DCLK2: variants seen among roughly 807,000 people sequenced by gnomAD.
The protein encoded by DCLK2 is doublecortin like kinase 2.
A neutral mutation model predicts 78.4 loss-of-function variants in DCLK2; 31 were observed. That is an observed-to-expected ratio of 0.40 (90% confidence interval 0.30 to 0.53). The LOEUF (loss-of-function observed/expected upper bound fraction) is 0.53. Ranked by LOEUF, DCLK2 falls within the 20% of genes least tolerant of loss-of-function variation. The pLI is 0.61. For synonymous variants in DCLK2, 407 were observed against 374.9 expected (o/e 1.09, Z -0.99); for missense variants, 872 against 973.7 (o/e 0.90, Z 1.39).
intron 2 of DCLK2, among the ~76,000 whole-genome samples, chr4:150,127,821 T>G (rs538648432): frequency 2.1e-4 from 32 of 152,256 alleles, no homozygotes; most frequent in South Asian, 4.1e-4. Context: ...TCTGGTGGAG[T>G]TGGTTGGTTA....
In DCLK2 at chr4:150,257,117, C is replaced by G. The variant is rs1273129436; in HGVS notation, c.*870C>G. On this transcript the variant is annotated 3_prime_UTR_variant, in exon 16 of 16. Transcript: ENST00000296550. ...GACTTGCCGAGCAGAATGAGCTCTG[C>G]TCCTGAGCCCCGGTAGCTGCTTCCT... The G allele has an allele frequency of 1.3e-5, 2 of 152,458 alleles. No individual in the cohort carries two copies. Among genetic ancestry groups the G allele is most frequent in the East Asian group, 3.9e-4 (2 of 5,182 alleles). 9.4% of individuals were successfully genotyped at this position (152,458 alleles called of 1,614,324 possible).
At position 150,254,462 on chromosome 4, in the gene DCLK2, C is replaced by T. The variant is rs912469160; in HGVS notation, c.2074-1558C>T. 3 of 398,678 alleles carry T rather than the reference C, an allele frequency of 7.5e-6. No individual in the cohort carries two copies. The East Asian group carries it at 1.1e-4, about 14-fold the overall frequency. 24.7% of individuals were successfully genotyped at this position (398,678 alleles called of 1,614,324 possible). ...TGGTATGTACTAACCGCACTGCCAG[C>T]CTGCCTTCTGCCACACACGCCCCTG... On this transcript the variant is annotated intron_variant, in intron 15 of 15. Coordinates refer to ENST00000296550, the MANE Select transcript of DCLK2 (RefSeq NM_001040260.4).
Position 150,200,026 on chromosome 4 carries a change from A to G in DCLK2, c.961+1923A>G, listed in dbSNP as rs144227394. ...TAGCAAGGCCCTGTCTCTTTTAAAA[A>G]AATTTTAATAAAAGGGAGAGTGGTT... On this transcript the variant is annotated intron_variant, in intron 4 of 15. Transcript: ENST00000296550. Among the ~76,000 whole-genome samples, 510 of 152,304 alleles carry G rather than the reference A, an allele frequency of 3.3e-3. 1 individual carries two copies. The highest frequency in any genetic ancestry group is 0.012 in the African/African-American group (480 of 41,562).
intron 5 of DCLK2, among the ~76,000 whole-genome samples, chr4:150,214,752 A>C (rs893124265): frequency 1.3e-5 from 2 of 152,054 alleles, no homozygotes; most frequent in Non-Finnish European, 1.5e-5. Flanking sequence ...ACTTGGGGTC[A>C]AGAGTTCAAG....
intron 2 of DCLK2, among the ~76,000 whole-genome samples, chr4:150,124,451 A>G (rs1419955508): frequency 6.6e-6 from 1 of 152,218 alleles, no homozygotes; most frequent in East Asian, 1.9e-4. Flanking sequence ...AGTCATTAAA[A>G]TGCCATTTTA....
At chr4:150,089,500 TTC>T (rs1488879056) in intron 1 of DCLK2, among the ~76,000 whole-genome samples, 8 of 152,354 alleles carry the variant, frequency 5.3e-5, no homozygotes, top group African/African-American at 1.7e-4. Context: ...ATGTGAAGGT[TTC>T]TCTGTCTCAG....
At chr4:150,153,499 A>T (rs977939723) in intron 2 of DCLK2, among the ~76,000 whole-genome samples, 2 of 151,490 alleles carry the variant, frequency 1.3e-5, no homozygotes, top group Non-Finnish European at 2.9e-5. Flanking sequence ...TGCAACCTTG[A>T]CCTCCTGGGC....
intron 1 of DCLK2, among the ~76,000 whole-genome samples, chr4:150,098,060 A>G (rs1730591245): frequency 6.6e-6 from 1 of 152,176 alleles, no homozygotes; most frequent in African/African-American, 2.4e-5. Context: ...GTTAGAACCT[A>G]TCATAGCATT....
At chr4:150,246,269 A>C (rs567345892) in intron 12 of DCLK2, among the ~76,000 whole-genome samples, 2 of 151,508 alleles carry the variant, frequency 1.3e-5, no homozygotes, top group African/African-American at 2.4e-5. Flanking sequence ...CTGGTCTTGA[A>C]CTCCTGACCT....
intron 4 of DCLK2, among the ~76,000 whole-genome samples, chr4:150,201,949 A>C (rs1739484928): frequency 6.6e-6 from 1 of 152,222 alleles, no homozygotes; most frequent in Non-Finnish European, 1.5e-5. Context: ...TTTTAGGTTC[A>C]CAGCCAAAGG....
At chr4:150,125,488 C>T (rs1732856925) in intron 2 of DCLK2, among the ~76,000 whole-genome samples, 1 of 152,100 alleles carries the variant, frequency 6.6e-6, no homozygotes, top group African/African-American at 2.4e-5. Context: ...AAAACATTTC[C>T]AAAGTTTTAT....
At chr4:150,184,181 C>T (rs1427142140) in intron 2 of DCLK2, among the ~76,000 whole-genome samples, 13 of 152,176 alleles carry the variant, frequency 8.5e-5, no homozygotes, top group Non-Finnish European at 5.9e-5. Flanking sequence ...CAAAACCAGG[C>T]AGTTAACCTC....
intron 2 of DCLK2, among the ~76,000 whole-genome samples, chr4:150,184,637 T>C (rs1172998156): frequency 6.7e-6 from 1 of 148,526 alleles, no homozygotes; most frequent in Non-Finnish European, 1.5e-5. Context: ...AGTCTCACTC[T>C]GTCGCCCAGG....
intron 1 of DCLK2, among the ~76,000 whole-genome samples, chr4:150,100,780 A>G (rs1730831598): frequency 6.6e-6 from 1 of 152,224 alleles, no homozygotes. Context: ...AGATGATCAT[A>G]CTGTGAAAAA....
intron 15 of DCLK2, among the ~76,000 whole-genome samples, chr4:150,254,937 G>A (rs1011994187): frequency 2.6e-5 from 4 of 152,054 alleles, no homozygotes; most frequent in African/African-American, 7.2e-5. Context: ...CTTGGCCTCC[G>A]GAAGTGCTGG....
At chr4:150,187,600 A>C (rs896747731) in intron 2 of DCLK2, among the ~76,000 whole-genome samples, 4 of 152,106 alleles carry the variant, frequency 2.6e-5, no homozygotes, top group African/African-American at 7.2e-5. Context: ...ACCTGTGCAC[A>C]CACTTCCTTA....
At chr4:150,085,402 G>A (rs1430000578) in intron 1 of DCLK2, among the ~76,000 whole-genome samples, 1 of 152,184 alleles carries the variant, frequency 6.6e-6, no homozygotes, top group Non-Finnish European at 1.5e-5. Context: ...TGGTGGAAGG[G>A]TGGAAGGTGA....
intron 2 of DCLK2, among the ~76,000 whole-genome samples, chr4:150,173,421 G>C (rs1040082829): frequency 2.6e-5 from 4 of 152,154 alleles, no homozygotes; most frequent in Non-Finnish European, 5.9e-5. Context: ...ATAAGACAAA[G>C]AGCAGACAGA....
intron 1 of DCLK2, among the ~76,000 whole-genome samples, chr4:150,090,712 A>G (rs962929952): frequency 2.0e-5 from 3 of 152,122 alleles, no homozygotes; most frequent in Non-Finnish European, 4.4e-5. Context: ...GGATTTGTGG[A>G]CATACCTATT....
Sources: gnomAD v4.1 joint callset for allele counts (sites outside exome capture counted in the v4.1 genomes callset) on GRCh38, gnomAD v4.1.1 for gene constraint, MANE v1.5 for transcripts, NCBI Gene and HGNC (gene_info 2026-07-23, HGNC 2026-07-21) for gene names.